Variants in CENPO observed in about 807,000 individuals in gnomAD.
CENPO encodes the protein centromere protein O.
Under a neutral mutation model 36.1 loss-of-function variants are expected in CENPO, and 30 were observed. The observed-to-expected ratio is 0.83, with a 90% CI of 0.62 to 1.13. The LOEUF (loss-of-function observed/expected upper bound fraction) is 1.13, where lower values mean the gene tolerates loss of function less well. Ranked by LOEUF, CENPO falls within the 50% of genes most tolerant of loss-of-function variation. The pLI is 0.00. For missense variants in CENPO, 349 were observed against 357.8 expected, an observed-to-expected ratio of 0.98 and a Z score of 0.20; for synonymous variants, 171 against 142.3, an observed-to-expected ratio of 1.20 and a Z score of -1.44.
Position 24,815,693 on chromosome 2 carries a change from G to A in CENPO, c.531G>A (p.Leu177=), listed in dbSNP as rs759227850. ...KYLQTNIQHF[L]FSLCEYLNAY... ...TACAGACCAACATCCAGCACTTCCT[G>A]TTCAGTCTCTGCGAGTACCTGAATG... The change falls in exon 5 of 8, where the codon CTG becomes CTA. Residue 177 remains leucine (L), a synonymous_variant. Transcript: ENST00000380834. 6.8e-6 allele frequency: 11 copies of A among 1,614,024 alleles called. No homozygotes were observed. Among genetic ancestry groups the A allele is most frequent in the Non-Finnish European group, 9.3e-6 (11 of 1,179,894 alleles).
At chr2:24,793,734 A>G (rs1665743579) in intron 1 of CENPO, 118 bp from the exon 2 acceptor site, 2 of 975,916 alleles carry the variant, frequency 2.0e-6, no homozygotes, top group African/African-American at 1.6e-5. Context: ...AGGGGATCCT[A>G]GCCGTGACAT....
rs148158816 is a variant in CENPO at position 24,814,040 on chromosome 2, A to G, written c.217-336A>G. Among the ~76,000 whole-genome samples the G allele has an allele frequency of 4.9e-3, 752 of 152,270 alleles. 13 individuals are homozygous for G. Among genetic ancestry groups the G allele is most frequent in the Admixed American group, 4.1e-3 (62 of 15,302 alleles). On this transcript the variant is annotated intron_variant, in intron 3 of 7. Transcript: ENST00000380834. ...CACACTGTCCAAGCACAACTTACCCAGCCTTGCCTCTTCACAGCCACCTGT... is the reference window on the plus strand; with the variant it reads ...CACACTGTCCAAGCACAACTTACCCGGCCTTGCCTCTTCACAGCCACCTGT...
At position 24,821,136 on chromosome 2, in the gene CENPO, G is replaced by A. The variant is rs1000277142; in HGVS notation, c.*1818G>A. On this transcript the variant is annotated 3_prime_UTR_variant, in exon 8 of 8. Transcript: ENST00000380834. ...TCAAGTCTCCTGGGACCTCACTCAG[G>A]AATGATACCCCCTCAGTAGAAGCAG... is the stretch of plus-strand genomic sequence containing the variant. 4 of 448,102 alleles carry A rather than the reference G, an allele frequency of 8.9e-6. No individual in the cohort carries two copies. The highest frequency in any genetic ancestry group is 8.0e-5 in the African/African-American group (4 of 49,988). 27.8% of individuals were successfully genotyped at this position (448,102 alleles called of 1,614,324 possible). A position where few individuals can be genotyped will look rare whatever the true frequency, so the allele number is the denominator to read the frequency against.
chr2:24,821,682 C>G lies in CENPO; in HGVS notation c.*2364C>G. The G allele has an allele frequency of 1.9e-6, 3 of 1,604,434 alleles. No individual in the cohort carries two copies. The South Asian group carries it at 3.3e-5, about 18-fold the overall frequency. On this transcript the variant is annotated 3_prime_UTR_variant, in exon 8 of 8. Coordinates refer to ENST00000380834, the MANE Select transcript of CENPO (RefSeq NM_001322101.2). The stretch of plus-strand genomic sequence containing the variant: ...TGGAGAAAGTGTCAGGGGCCGCTCA[C>G]TGCAGCAGCCTGCTCTGCTGCCTTC...
chr2:24,794,256 C>T (rs563195471), intron 2 of CENPO, among the ~76,000 whole-genome samples: 55 of 152,280 alleles, frequency 3.6e-4, no homozygotes, highest in African/African-American at 1.1e-3. Context: ...TTCCTCTCCC[C>T]GGATTTTTTG....
intron 3 of CENPO, among the ~76,000 whole-genome samples, chr2:24,809,823 A>G (rs573711867): frequency 6.6e-6 from 1 of 151,996 alleles, no homozygotes; most frequent in African/African-American, 2.4e-5. Context: ...TGGACTTTGC[A>G]TTTGTTGGCT....
chr2:24,806,214 C>T (rs1178710697), intron 3 of CENPO, among the ~76,000 whole-genome samples: 5 of 152,306 alleles, frequency 3.3e-5, no homozygotes, highest in East Asian at 1.9e-4. Flanking sequence ...TTCCAGGTGC[C>T]GTCTGTCACC....
In CENPO at chr2:24,811,430, G is replaced by A. The variant is rs572410838; in HGVS notation, c.217-2946G>A. On this transcript the variant is annotated intron_variant, in intron 3 of 7. Transcript: ENST00000380834. Reference sequence around the variant, plus strand: ...TGAGTAGCTGGGATTACAGATGCCCGCCACCACACCCAGCTAATTTTTTGT... The same window carrying A: ...TGAGTAGCTGGGATTACAGATGCCCACCACCACACCCAGCTAATTTTTTGT... Among the ~76,000 whole-genome samples, 358 of 149,568 alleles carry A rather than the reference G, an allele frequency of 2.4e-3. 2 individuals are homozygous for A. Among genetic ancestry groups the A allele is most frequent in the Non-Finnish European group, 4.2e-3 (286 of 67,534 alleles).
rs141577349 is a variant in CENPO at position 24,810,610 on chromosome 2, C to T, written c.217-3766C>T. Among the ~76,000 whole-genome samples, 235 of 149,314 alleles carry T rather than the reference C, an allele frequency of 1.6e-3. 3 individuals carry two copies. Among genetic ancestry groups the T allele is most frequent in the African/African-American group, 5.5e-3 (223 of 40,560 alleles). ...GGAACCTCTGCCTCCCGGGTTCAAG[C>T]AATTCTCGTGCCTCAGCCTCCCAAG... On this transcript the variant is annotated intron_variant, in intron 3 of 7. Coordinates refer to ENST00000380834, the MANE Select transcript of CENPO (RefSeq NM_001322101.2).
chr2:24,810,942 A>G (rs1385157818), intron 3 of CENPO, among the ~76,000 whole-genome samples: 1 of 150,720 alleles, frequency 6.6e-6, no homozygotes, highest in East Asian at 2.0e-4. Context: ...GTTATTATTT[A>G]TTATTGTTAT....
At chr2:24,793,669 G>A in intron 1 of CENPO, 168 bp downstream of exon 1, 3 of 1,148,736 alleles carry the variant, frequency 2.6e-6, no homozygotes, top group Non-Finnish European at 2.4e-6. Flanking sequence ...TGGGCGCGGG[G>A]GTGGGCATGG....
At chr2:24,811,899 C>T (rs553413639) in intron 3 of CENPO, among the ~76,000 whole-genome samples, 24 of 152,136 alleles carry the variant, frequency 1.6e-4, no homozygotes, top group Admixed American at 1.2e-3. Flanking sequence ...CCTGGCAAGT[C>T]CATGAACTTT....
At chr2:24,814,624 AC>A (rs1666857262) in intron 4 of CENPO, 131 bp downstream of exon 4, 1 of 402,412 alleles carries the variant, frequency 2.5e-6, no homozygotes, top group African/African-American at 2.0e-5. Context: ...CATCACTCAC[AC>A]ACACACACAC....
At chr2:24,802,995 T>A (rs1475044354) in intron 3 of CENPO, among the ~76,000 whole-genome samples, 1 of 152,224 alleles carries the variant, frequency 6.6e-6, no homozygotes, top group African/African-American at 2.4e-5. Flanking sequence ...AATTATTGCC[T>A]CAATTTCAGA....
At chr2:24,815,216 T>C (rs1666884005) in intron 4 of CENPO, among the ~76,000 whole-genome samples, 1 of 147,326 alleles carries the variant, frequency 6.8e-6, no homozygotes, top group Non-Finnish European at 1.5e-5. Context: ...CCAGCCTGGG[T>C]GACAGAGTGA....
chr2:24,822,306 C>T lies in CENPO; in HGVS notation c.*2988C>T. The T allele has an allele frequency of 3.1e-6, 2 of 646,350 alleles. No individual in the cohort carries two copies. The allele number at this position is 646,350 out of a possible 1,614,324, so 40.0% of individuals were successfully genotyped here. ...CATCTTAGGCCTGAGCTGTGAACAG[C>T]AGGGGGTTGTGTGTCTGTTCTGTTT... On this transcript the variant is annotated 3_prime_UTR_variant, in exon 8 of 8. Coordinates refer to ENST00000380834, the MANE Select transcript of CENPO (RefSeq NM_001322101.2).
At chr2:24,793,776 G>T in intron 1 of CENPO, 76 bp from the exon 2 acceptor site, 1 of 1,158,716 alleles carries the variant, frequency 8.6e-7, no homozygotes. Flanking sequence ...GGTTGTGCCT[G>T]AGTGGTGTGT....
rs765294214 is a variant in CENPO at position 24,821,996 on chromosome 2, C to T, written c.*2678C>T. On this transcript the variant is annotated 3_prime_UTR_variant, in exon 8 of 8. Coordinates refer to ENST00000380834, the MANE Select transcript of CENPO (RefSeq NM_001322101.2). ...TGATAAGCACTGGAGGGGGATGACC[C>T]GCCTTGGACGTGTTTCTTTAACCTC... The T allele has an allele frequency of 2.2e-4, 53 of 240,364 alleles. No homozygotes were observed. Among genetic ancestry groups the T allele is most frequent in the Non-Finnish European group, 3.2e-4 (40 of 123,642 alleles). 14.9% of individuals were successfully genotyped at this position (240,364 alleles called of 1,614,324 possible).
At position 24,821,755 on chromosome 2, in the gene CENPO, CCTTA is replaced by C; in HGVS notation, c.*2441_*2444del. The C allele has an allele frequency of 3.5e-6, 5 of 1,443,364 alleles. No homozygotes were observed. Among genetic ancestry groups the C allele is most frequent in the Admixed American group, 2.2e-5 (1 of 45,030 alleles). 89.4% of individuals were successfully genotyped at this position (1,443,364 alleles called of 1,614,324 possible). A position where few individuals can be genotyped will look rare whatever the true frequency, so the allele number is the denominator to read the frequency against. ...ATTCCCTACACCTAGATGTTCAAGGCCTTACTTTTCCTCCCACAAAGGAGTCGCA... is the reference window on the plus strand; with the variant it reads ...ATTCCCTACACCTAGATGTTCAAGGCCTTTTCCTCCCACAAAGGAGTCGCA... On this transcript the variant is annotated 3_prime_UTR_variant, in exon 8 of 8. Transcript: ENST00000380834.
Sources: gnomAD v4.1 joint callset for allele counts (sites outside exome capture counted in the v4.1 genomes callset) on GRCh38, gnomAD v4.1.1 for gene constraint, MANE v1.5 for transcripts, NCBI Gene and HGNC (gene_info 2026-07-23, HGNC 2026-07-21) for gene names.